KRT8: variants seen among roughly 807,000 people sequenced by gnomAD.
KRT8 encodes keratin, type II cytoskeletal 8.
In KRT8, 24 loss-of-function variants were observed where a neutral mutation model predicts 43.0. That is an observed-to-expected ratio of 0.56 (90% CI 0.40 to 0.78). The LOEUF (loss-of-function observed/expected upper bound fraction) is 0.78. Ranked by LOEUF, KRT8 falls within the 30% of genes least tolerant of loss-of-function variation. The pLI is 0.00. For synonymous variants in KRT8, 214 were observed against 261.2 expected, an observed-to-expected ratio of 0.82 and a Z score of 1.74; for missense variants, 492 against 638.4, an observed-to-expected ratio of 0.77 and a Z score of 2.47.
chr12:52,929,018 G>GT (rs2120690170), intron 2 of KRT8, among the ~76,000 whole-genome samples: 1 of 152,224 alleles, frequency 6.6e-6, no homozygotes, highest in African/African-American at 2.4e-5. Context: ...CATACTCGTT[G>GT]TCAATTTTTC....
rs373418568 is a variant in KRT8, at chr12:52,949,148, C to G, written c.-47+308G>C. 3 of 1,591,430 alleles carry G rather than the reference C, an allele frequency of 1.9e-6. No individual in the cohort carries two copies. In the South Asian group the frequency reaches 3.3e-5, roughly 18 times the overall value. On this transcript the variant is annotated intron_variant, in intron 2 of 6. Transcript: ENST00000546826. ...CACCGTCGTCCGCAAAGCCTGAGTCCTGTCCTTTCTCTCTCCCCGGACAGC... is the reference window on the plus strand; with the variant it reads ...CACCGTCGTCCGCAAAGCCTGAGTCGTGTCCTTTCTCTCTCCCCGGACAGC...
exon 1 of KRT8, chr12:52,904,986 G>A: frequency 6.2e-7 from 1 of 1,604,450 alleles, no homozygotes; most frequent in Non-Finnish European, 8.5e-7. Context: ...GGACATGGTA[G>A]AGGCAGGAGT....
At chr12:52,918,270 T>TCTGCGTCA (rs1459414954) in intron 2 of KRT8, among the ~76,000 whole-genome samples, 1 of 118,668 alleles carries the variant, frequency 8.4e-6, no homozygotes, top group Non-Finnish European at 1.8e-5. Context: ...CAAAACAGAG[T>TCTGCGTCA]CTGCGTCAAC....
At chr12:52,901,194 T>C in exon 3 of KRT8, 5 of 1,612,054 alleles carry the variant, frequency 3.1e-6, no homozygotes, top group Non-Finnish European at 4.2e-6. Flanking sequence ...TCCATCTCTG[T>C]ACGCTTATTG....
intron 2 of KRT8, among the ~76,000 whole-genome samples, chr12:52,936,363 G>A (rs1310960187): frequency 6.6e-6 from 1 of 152,108 alleles, no homozygotes; most frequent in Non-Finnish European, 1.5e-5. Context: ...CTGGGCTCAA[G>A]TAATCCCCCT....
At chr12:52,898,777 C>T (rs1065362) in exon 6 of KRT8, 8 of 1,614,258 alleles carry the variant, frequency 5.0e-6, no homozygotes, top group Non-Finnish European at 4.2e-6. Context: ...GCAGCTGCCG[C>T]GCCATGTCCT....
At chr12:52,936,940 T>C (rs1227467507) in intron 2 of KRT8, among the ~76,000 whole-genome samples, 1 of 152,166 alleles carries the variant, frequency 6.6e-6, no homozygotes, top group Non-Finnish European at 1.5e-5. Context: ...AGCCACAGAC[T>C]GGGAGAAAAT....
Position 52,916,760 on chromosome 12 carries a change from G to A in KRT8, c.-46-11733C>T, listed in dbSNP as rs745850636. Among the ~76,000 whole-genome samples, 4 of 152,342 alleles carry A rather than the reference G, an allele frequency of 2.6e-5. No individual in the cohort carries two copies. In the South Asian group the frequency reaches 8.3e-4, roughly 32 times the overall value. On this transcript the variant is annotated intron_variant, in intron 2 of 6. Transcript: ENST00000546826. ...CCCACCACAGTCCTCAGCAGCAGAA[G>A]CAAGTGTGGACAAGCCCGCCTTCTC...
chr12:52,901,785 TG>T, intron 2 of KRT8, 78 bp downstream of exon 2: 1 of 979,728 alleles, frequency 1.0e-6, no homozygotes, highest in Non-Finnish European at 1.7e-6. Context: ...CAGAGGGCCA[TG>T]GGGACTTAGT....
At chr12:52,925,170 T>C (rs1941964872) in intron 2 of KRT8, among the ~76,000 whole-genome samples, 2 of 152,202 alleles carry the variant, frequency 1.3e-5, no homozygotes, top group African/African-American at 4.8e-5. Context: ...CAGCTCACTA[T>C]TTCCTGTAGT....
At chr12:52,947,190 A>G (rs1434590218) in intron 2 of KRT8, 1 of 152,272 alleles carries the variant, frequency 6.6e-6, no homozygotes, top group Non-Finnish European at 1.5e-5. Context: ...TTCAGCAGGG[A>G]TGGTCATTCA....
rs1259989669 is a variant in KRT8, at chr12:52,903,292, A to C, written c.325-1220T>G. On this transcript the variant is annotated intron_variant, in intron 1 of 7. Coordinates refer to ENST00000692008, the Ensembl canonical transcript of KRT8. ...TATTCATTTTATAGATGAGGAAATA[A>C]GACTTGGCAAGGGAGTCCATAACCA... Among the ~76,000 whole-genome samples the C allele has an allele frequency of 3.3e-5, 5 of 152,184 alleles. No individual in the cohort carries two copies. In the East Asian group the frequency reaches 7.7e-4, roughly 23 times the overall value.
At chr12:52,930,413 G>T (rs536629057) in intron 2 of KRT8, among the ~76,000 whole-genome samples, 1 of 152,254 alleles carries the variant, frequency 6.6e-6, no homozygotes, top group East Asian at 1.9e-4. Context: ...TAGAGATGGG[G>T]TTTCTCCATG....
intron 4 of KRT8, 105 bp downstream of exon 4, chr12:52,900,483 G>A: frequency 1.3e-6 from 1 of 783,314 alleles, no homozygotes; most frequent in Non-Finnish European, 2.3e-6. Context: ...GTGGGCCTTT[G>A]TCTTATTAGT....
chr12:52,899,202 C>G lies in KRT8; in HGVS notation c.982-303G>C, dbSNP rs564660212. Among the ~76,000 whole-genome samples, 254 of 152,274 alleles carry G rather than the reference C, an allele frequency of 1.7e-3. 2 individuals are homozygous for G. Among genetic ancestry groups the G allele is most frequent in the African/African-American group, 5.6e-3 (232 of 41,560 alleles). On this transcript the variant is annotated intron_variant, in intron 5 of 7. Coordinates refer to ENST00000692008, the Ensembl canonical transcript of KRT8. ...TGGTGGCGGGCGCCTGTAGTCCCAG[C>G]TACTCAGGAGGCTGAGTCAGGAGAA...
exon 6 of KRT8, chr12:52,898,739 T>C (rs1467340432): frequency 1.2e-6 from 2 of 1,614,244 alleles, no homozygotes; most frequent in East Asian, 2.2e-5. Flanking sequence ...CAGGGCCAGC[T>C]TGACGTTCAT....
At chr12:52,923,884 G>A (rs181135891) in intron 2 of KRT8, among the ~76,000 whole-genome samples, 1,961 of 151,418 alleles carry the variant, frequency 0.013, 42 homozygotes, top group African/African-American at 0.044. Flanking sequence ...CCTCGCTCTC[G>A]CCCAGGCTGG....
chr12:52,907,083 A>ACCTCCCC (rs1555187346), upstream of KRT8: 3 of 215,898 alleles, frequency 1.4e-5, no homozygotes, highest in African/African-American at 2.3e-5. Flanking sequence ...TGGCTCCTTC[A>ACCTCCCC]CCTCCCCTCC....
intron 2 of KRT8, among the ~76,000 whole-genome samples, chr12:52,944,605 G>A (rs1202762617): frequency 6.6e-6 from 1 of 152,160 alleles, no homozygotes; most frequent in African/African-American, 2.4e-5. Flanking sequence ...GAGCTGAGGG[G>A]CTCCTAGAAG....
Sources: allele counts gnomAD v4.1 joint callset (sites outside exome capture counted in the v4.1 genomes callset), GRCh38; gene constraint gnomAD v4.1.1; transcripts MANE v1.5; gene names NCBI Gene and HGNC (gene_info 2026-07-23, HGNC 2026-07-21).